The following NELL1 variants were observed in gnomAD, a reference collection of about 807,000 sequenced individuals.
NELL1 encodes the protein neural EGFL like 1.
Under a neutral mutation model 107.4 loss-of-function variants are expected in NELL1, and 76 were observed. That is an observed-to-expected ratio of 0.71 (90% CI 0.59 to 0.86). The LOEUF (loss-of-function observed/expected upper bound fraction) is 0.86. Among genes scored for constraint, NELL1 ranks in the 40% least tolerant of loss-of-function variants. The pLI, the probability that NELL1 is intolerant of heterozygous loss-of-function variation, is 0.00. For synonymous variants in NELL1, 353 were observed against 341.2 expected (o/e 1.03, Z -0.38); for missense variants, 1,024 against 1,005.5 (o/e 1.02, Z -0.25).
intron 12 of NELL1, among the ~76,000 whole-genome samples, chr11:20,969,493 AAAATT>A (rs1478852243): frequency 2.6e-5 from 4 of 152,100 alleles, no homozygotes; most frequent in Non-Finnish European, 5.9e-5. Context: ...AAAGAAAGTA[AAAATT>A]AAAGTAATGT....
chr11:21,217,358 A>G (rs1042248295), intron 13 of NELL1, among the ~76,000 whole-genome samples: 1 of 152,036 alleles, frequency 6.6e-6, no homozygotes, highest in African/African-American at 2.4e-5. Context: ...GCTAGGGGAA[A>G]GGTACATTGT....
intron 2 of NELL1, among the ~76,000 whole-genome samples, chr11:20,707,345 C>T (rs919378870): frequency 4.1e-5 from 6 of 145,514 alleles, no homozygotes; most frequent in Non-Finnish European, 9.2e-5. Context: ...TATTACCAAT[C>T]GTCTGAAGTC....
At chr11:20,936,834 A>G (rs1227696336) in intron 9 of NELL1, among the ~76,000 whole-genome samples, 1 of 152,176 alleles carries the variant, frequency 6.6e-6, no homozygotes, top group East Asian at 1.9e-4. Flanking sequence ...TAATCAGCCC[A>G]TTTTTAGCAG....
chr11:21,466,332 C>T (rs1854029949), intron 15 of NELL1, among the ~76,000 whole-genome samples: 3 of 152,024 alleles, frequency 2.0e-5, no homozygotes, highest in African/African-American at 7.2e-5. Flanking sequence ...ACATACAGGT[C>T]GAGTGGGCAT....
At chr11:21,306,039 G>A (rs1849598283) in intron 14 of NELL1, among the ~76,000 whole-genome samples, 1 of 151,840 alleles carries the variant, frequency 6.6e-6, no homozygotes, top group South Asian at 2.1e-4. Flanking sequence ...ACTTGTTAGT[G>A]TTTTTATAGA....
intron 2 of NELL1, among the ~76,000 whole-genome samples, chr11:20,706,496 C>T (rs1195929767): frequency 7.5e-6 from 1 of 133,516 alleles, no homozygotes; most frequent in Non-Finnish European, 1.5e-5. Flanking sequence ...GGAAGGGGAA[C>T]ATCACACACT....
chr11:21,162,584 A>G (rs1340032519), intron 13 of NELL1, among the ~76,000 whole-genome samples: 4 of 152,210 alleles, frequency 2.6e-5, no homozygotes, highest in African/African-American at 9.6e-5. Context: ...GTCATAGAAG[A>G]AAAGGATGAA....
chr11:20,736,939 GA>G (rs1400368366), intron 2 of NELL1, among the ~76,000 whole-genome samples: 1 of 151,858 alleles, frequency 6.6e-6, no homozygotes, highest in Non-Finnish European at 1.5e-5. Context: ...GTTTTTTATA[GA>G]TACGGGGTTT....
chr11:21,069,898 A>G (rs1270007564), intron 12 of NELL1, among the ~76,000 whole-genome samples: 1 of 152,138 alleles, frequency 6.6e-6, no homozygotes, highest in Non-Finnish European at 1.5e-5. Context: ...TAAGCTTTAA[A>G]TAGTTGAAAT....
At chr11:21,221,453 G>A (rs796096580) in intron 13 of NELL1, among the ~76,000 whole-genome samples, 9 of 152,198 alleles carry the variant, frequency 5.9e-5, no homozygotes, top group African/African-American at 2.2e-4. Context: ...TAGAAGAATT[G>A]GTAGTTAATT....
chr11:20,819,833 G>C (rs1036066184), intron 3 of NELL1, among the ~76,000 whole-genome samples: 5 of 152,124 alleles, frequency 3.3e-5, no homozygotes, highest in Non-Finnish European at 7.4e-5. Context: ...GCAACTCCAG[G>C]GGTTAAAAAT....
intron 14 of NELL1, among the ~76,000 whole-genome samples, chr11:21,290,817 C>T (rs1201789701): frequency 6.6e-6 from 1 of 152,138 alleles, no homozygotes; most frequent in African/African-American, 2.4e-5. Context: ...AGGACATCCA[C>T]ACAGAAACCC....
rs144093068 is a variant in NELL1, at chr11:21,215,668, T to C, written c.1427-13664T>C. Among the ~76,000 whole-genome samples, 288 of 152,308 alleles carry C rather than the reference T, an allele frequency of 1.9e-3. 1 individual carries two copies. The highest frequency in any genetic ancestry group is 0.01 in the Middle Eastern group (3 of 294). On this transcript the variant is annotated intron_variant, in intron 13 of 19. Coordinates refer to ENST00000357134, the MANE Select transcript of NELL1 (RefSeq NM_006157.5). ...TTGGCAGCTGGAGTAAAGGTGATTC[T>C]TGTAATGCTTCAGCAAAGAGACTGG...
At position 20,947,448 on chromosome 11, in the gene NELL1, G is replaced by C. The variant is rs1319078885; in HGVS notation, c.1171+13G>C. On this transcript the variant is annotated intron_variant, in intron 11 of 19. Transcript: ENST00000357134. ...CGTGTCTGTAGAGGTAAGTGGGCTT[G>C]GTGGTGGGCCATGCGTGGGGTGAGG... 6 of 1,604,216 alleles carry C rather than the reference G, an allele frequency of 3.7e-6. No homozygotes were observed. The highest frequency in any genetic ancestry group is 2.2e-5 in the East Asian group (1 of 44,822).
chr11:21,267,646 A>C (rs1407405982), intron 14 of NELL1, among the ~76,000 whole-genome samples: 2 of 151,860 alleles, frequency 1.3e-5, no homozygotes, highest in East Asian at 3.9e-4. Context: ...TGTCATTCAC[A>C]TCTGTCATAG....
intron 2 of NELL1, among the ~76,000 whole-genome samples, chr11:20,718,058 T>C (rs1855294617): frequency 6.6e-6 from 1 of 152,224 alleles, no homozygotes; most frequent in African/African-American, 2.4e-5. Context: ...TATGTCCTTA[T>C]GTTCATTACC....
At chr11:20,705,565 G>T (rs1309896302) in intron 2 of NELL1, among the ~76,000 whole-genome samples, 1 of 142,680 alleles carries the variant, frequency 7.0e-6, no homozygotes, top group Non-Finnish European at 1.5e-5. Flanking sequence ...AAAAACCCTA[G>T]AAGAAAACCT....
At chr11:21,321,131 T>A (rs778441009) in intron 14 of NELL1, among the ~76,000 whole-genome samples, 1 of 152,192 alleles carries the variant, frequency 6.6e-6, no homozygotes, top group African/African-American at 2.4e-5. Flanking sequence ...TTTCTGCAAC[T>A]CTGAAATTCC....
At chr11:20,974,311 T>A (rs1221242053) in intron 12 of NELL1, among the ~76,000 whole-genome samples, 1 of 152,188 alleles carries the variant, frequency 6.6e-6, no homozygotes, top group Non-Finnish European at 1.5e-5. Flanking sequence ...TTAATACCTG[T>A]CATCTTGCTC....
Sources: allele counts gnomAD v4.1 joint callset (sites outside exome capture counted in the v4.1 genomes callset), GRCh38; gene constraint gnomAD v4.1.1; transcripts MANE v1.5; gene names NCBI Gene and HGNC (gene_info 2026-07-23, HGNC 2026-07-21).